Variants in IL15 observed in about 807,000 individuals in gnomAD.
IL15 encodes interleukin 15.
IL15 carries 11 observed loss-of-function variants against 19.6 expected under a neutral mutation model. The observed-to-expected ratio is 0.56, with a 90% CI of 0.35 to 0.93. IL15 has a LOEUF of 0.93. Ranked by LOEUF, IL15 falls within the 40% of genes least tolerant of loss-of-function variation. The pLI, the probability that IL15 is intolerant of heterozygous loss-of-function variation, is 0.01. For synonymous variants in IL15, 58 were observed against 59.6 expected, an observed-to-expected ratio of 0.97 and a Z score of 0.12; for missense variants, 197 against 186.5, an observed-to-expected ratio of 1.06 and a Z score of -0.33.
At chr4:141,730,100 C>G in intron 7 of IL15, 116 bp downstream of exon 7, 1 of 819,658 alleles carries the variant, frequency 1.2e-6, no homozygotes, top group Non-Finnish European at 2.1e-6. Flanking sequence ...GAGTCCTGTT[C>G]CAGTGGAGTG....
intron 2 of IL15, among the ~76,000 whole-genome samples, chr4:141,669,092 A>T (rs1024087900): frequency 2.0e-5 from 3 of 152,246 alleles, no homozygotes; most frequent in African/African-American, 7.2e-5. Flanking sequence ...AATGTCATTT[A>T]AAATGATGAC....
intron 2 of IL15, among the ~76,000 whole-genome samples, chr4:141,682,338 G>A (rs1728560824): frequency 6.6e-6 from 1 of 152,136 alleles, no homozygotes; most frequent in Non-Finnish European, 1.5e-5. Flanking sequence ...ACTTAATGAT[G>A]TCTAACTGTG....
At chr4:141,732,112 A>T (rs1462382346) in intron 7 of IL15, among the ~76,000 whole-genome samples, 2 of 152,196 alleles carry the variant, frequency 1.3e-5, no homozygotes, top group East Asian at 1.9e-4. Flanking sequence ...TACATGACAT[A>T]TTGTGAGAGA....
At chr4:141,716,579 G>C (rs1191232361) in intron 2 of IL15, 1 of 152,378 alleles carries the variant, frequency 6.6e-6, no homozygotes, top group Non-Finnish European at 1.5e-5. Flanking sequence ...CACAGGCAGA[G>C]ACTTTGCACA....
chr4:141,697,923 G>C (rs1729156622), intron 2 of IL15, among the ~76,000 whole-genome samples: 1 of 151,908 alleles, frequency 6.6e-6, no homozygotes, highest in Non-Finnish European at 1.5e-5. Context: ...CCAGTTCTCA[G>C]GGGGAATGCT....
At chr4:141,650,809 T>G (rs1210445417) in intron 1 of IL15, among the ~76,000 whole-genome samples, 1 of 151,952 alleles carries the variant, frequency 6.6e-6, no homozygotes, top group Non-Finnish European at 1.5e-5. Context: ...ACACCTCCAG[T>G]CTAATCTCCG....
intron 2 of IL15, among the ~76,000 whole-genome samples, chr4:141,683,571 T>TAA (rs566487149): frequency 0.023 from 2,736 of 120,840 alleles, 97 homozygotes; most frequent in African/African-American, 0.078. Context: ...ATTCCGTCTC[T>TAA]AAAAAAAAAA....
chr4:141,731,193 C>G (rs1730439974), intron 7 of IL15, among the ~76,000 whole-genome samples: 1 of 152,134 alleles, frequency 6.6e-6, no homozygotes, highest in Non-Finnish European at 1.5e-5. Flanking sequence ...GTGTCACCTT[C>G]TCAGTGATTT....
At chr4:141,647,398 G>A (rs1312339234) in intron 1 of IL15, among the ~76,000 whole-genome samples, 4 of 152,004 alleles carry the variant, frequency 2.6e-5, no homozygotes, top group Non-Finnish European at 5.9e-5. Flanking sequence ...TAGAAGTACT[G>A]GATTGAAGAT....
intron 1 of IL15, chr4:141,636,990 C>G (rs1471023079): frequency 6.6e-6 from 1 of 152,290 alleles, no homozygotes; most frequent in Non-Finnish European, 1.5e-5. Context: ...TCCGGAGGAG[C>G]GCAGATCGCA....
intron 1 of IL15, among the ~76,000 whole-genome samples, chr4:141,639,797 A>G (rs1447592457): frequency 6.6e-6 from 1 of 152,200 alleles, no homozygotes; most frequent in African/African-American, 2.4e-5. Flanking sequence ...GACACTGAAC[A>G]TTGCTTAAAT....
At chr4:141,648,145 A>G (rs558036367) in intron 1 of IL15, among the ~76,000 whole-genome samples, 28 of 152,142 alleles carry the variant, frequency 1.8e-4, no homozygotes, top group Non-Finnish European at 2.8e-4. Flanking sequence ...ATTACTGGTG[A>G]TCACATGGCT....
chr4:141,694,502 G>A (rs1171365959), intron 2 of IL15, among the ~76,000 whole-genome samples: 4 of 152,156 alleles, frequency 2.6e-5, no homozygotes, highest in African/African-American at 9.7e-5. Context: ...GGAAAAAAGA[G>A]GCAGTGCTGT....
chr4:141,650,015 G>A (rs1426525214), intron 1 of IL15, among the ~76,000 whole-genome samples: 8 of 152,054 alleles, frequency 5.3e-5, no homozygotes, highest in Admixed American at 3.3e-4. Flanking sequence ...GTAAAGTGAT[G>A]AAGACAAAAA....
chr4:141,666,200 A>G (rs1473099999), intron 2 of IL15, among the ~76,000 whole-genome samples: 2 of 151,844 alleles, frequency 1.3e-5, no homozygotes, highest in East Asian at 1.9e-4. Flanking sequence ...TCCCGGGTTG[A>G]CGCCATTCTC....
chr4:141,724,208 C>G (rs1280405121), intron 5 of IL15, among the ~76,000 whole-genome samples: 1 of 151,716 alleles, frequency 6.6e-6, no homozygotes, highest in Admixed American at 6.6e-5. Flanking sequence ...AATACTATAC[C>G]TCTATATAAT....
intron 2 of IL15, among the ~76,000 whole-genome samples, chr4:141,706,706 A>ATT (rs74269670): frequency 6.9e-6 from 1 of 144,942 alleles, no homozygotes; most frequent in South Asian, 2.2e-4. Context: ...TTCTTGGCTG[A>ATT]TTTTTTTTTT....
intron 2 of IL15, among the ~76,000 whole-genome samples, chr4:141,684,794 T>C (rs1455725294): frequency 3.3e-5 from 5 of 152,212 alleles, no homozygotes; most frequent in Admixed American, 6.5e-5. Flanking sequence ...TCACAATAAC[T>C]CAACAAATAT....
chr4:141,726,029 C>T (rs890647482), intron 5 of IL15, among the ~76,000 whole-genome samples: 11 of 151,986 alleles, frequency 7.2e-5, no homozygotes, highest in Non-Finnish European at 1.5e-4. Flanking sequence ...ATAAAACTAC[C>T]GGTTCCCTTT....
Sources: allele counts gnomAD v4.1 joint callset (sites outside exome capture counted in the v4.1 genomes callset), GRCh38; gene constraint gnomAD v4.1.1; transcripts MANE v1.5; gene names NCBI Gene and HGNC (gene_info 2026-07-23, HGNC 2026-07-21).